The following GNG5 variants were observed in gnomAD, a reference collection of about 807,000 sequenced individuals.
GNG5 encodes guanine nucleotide-binding protein G(I)/G(S)/G(O) subunit gamma-5.
GNG5 carries 2 observed loss-of-function variants against 6.2 expected under a neutral mutation model. That is an observed-to-expected ratio of 0.32 (90% confidence interval 0.13 to 1.01). GNG5 has a LOEUF of 1.01. Among genes scored for constraint, GNG5 ranks in the 50% least tolerant of loss-of-function variants. The pLI is 0.48. For missense variants in GNG5, 57 were observed against 80.2 expected (o/e 0.71, Z 1.10); for synonymous variants, 24 against 33.0 (o/e 0.73, Z 0.93).
intron 2 of GNG5, 126 bp from the exon 3 acceptor site, chr1:84,502,096 A>G (rs1682068576): frequency 7.2e-6 from 4 of 557,248 alleles, no homozygotes; most frequent in Non-Finnish European, 9.6e-6. Context: ...AGAAGATACT[A>G]TATAATAATT....
In GNG5 at chr1:84,505,213, C is replaced by G. The variant is rs1423385038; in HGVS notation, c.81+798G>C. ...AACAGCACTTGAATGTCAAGTTATT[C>G]TATCAACACAGACAAAAGGCTTTTT... On this transcript the variant is annotated intron_variant, in intron 2 of 3. Transcript: ENST00000370645. Among the ~76,000 whole-genome samples, 4 of 152,218 alleles carry G rather than the reference C, an allele frequency of 2.6e-5. No individual in the cohort carries two copies. The East Asian group carries it at 5.8e-4, about 22-fold the overall frequency.
chr1:84,501,813 T>G lies in GNG5; in HGVS notation c.*19+13A>C. On this transcript the variant is annotated intron_variant, in intron 3 of 3. Transcript: ENST00000370645. ...ACAGTGTGGGTTTTTGTTTTAAATT[T>G]AAGGAAACTTACCTTTGAAAGATTC... The G allele has an allele frequency of 1.3e-6, 2 of 1,565,854 alleles. No homozygotes were observed. The highest frequency in any genetic ancestry group is 2.7e-5 in the African/African-American group (2 of 73,744).
At chr1:84,503,661 T>G (rs1192286688) in intron 2 of GNG5, 1 of 152,206 alleles carries the variant, frequency 6.6e-6, no homozygotes, top group Non-Finnish European at 1.5e-5. Context: ...AATTTTCTGT[T>G]TAAAGTGTAG....
intron 2 of GNG5, 105 bp downstream of exon 2, chr1:84,505,906 G>A (rs1160144366): frequency 3.8e-6 from 3 of 789,678 alleles, no homozygotes; most frequent in African/African-American, 1.9e-5. Flanking sequence ...CTCTCCAGGG[G>A]AAGCGAGGGC....
intron 3 of GNG5, among the ~76,000 whole-genome samples, chr1:84,501,466 A>G (rs1682055643): frequency 6.6e-6 from 1 of 151,874 alleles, no homozygotes; most frequent in South Asian, 2.1e-4. Flanking sequence ...AAAACTGTCT[A>G]AATATTTGCC....
chr1:84,499,657 G>A (rs551185882), intron 3 of GNG5, among the ~76,000 whole-genome samples: 5 of 152,162 alleles, frequency 3.3e-5, no homozygotes, highest in African/African-American at 1.2e-4. Flanking sequence ...AATGAAAAAC[G>A]GCGAATACTG....
chr1:84,505,963 C>G, intron 2 of GNG5, 48 bp downstream of exon 2: 3 of 1,359,674 alleles, frequency 2.2e-6, no homozygotes, highest in Non-Finnish European at 2.9e-6. Flanking sequence ...CCGGATCCCA[C>G]CCGCCGCCGC....
intron 2 of GNG5, 58 bp downstream of exon 2, chr1:84,505,953 C>A: frequency 7.9e-7 from 1 of 1,267,548 alleles, no homozygotes; most frequent in East Asian, 3.2e-5. Context: ...AGCTGGGCCG[C>A]CGGATCCCAC....
chr1:84,505,404 T>C (rs1436757464), intron 2 of GNG5, among the ~76,000 whole-genome samples: 2 of 152,202 alleles, frequency 1.3e-5, no homozygotes, highest in Non-Finnish European at 2.9e-5. Context: ...TGTTCGAGGT[T>C]GTACGGGGCA....
At chr1:84,501,202 T>C (rs867607520) in intron 3 of GNG5, among the ~76,000 whole-genome samples, 2 of 152,220 alleles carry the variant, frequency 1.3e-5, no homozygotes, top group African/African-American at 2.4e-5. Flanking sequence ...CAAGAACTTA[T>C]ATACTGCATT....
At position 84,506,144 on chromosome 1, in the gene GNG5, G is replaced by A. The variant is rs11559301; in HGVS notation, c.-53C>T. On this transcript the variant is annotated 5_prime_UTR_variant, in exon 2 of 4. Transcript: ENST00000370645. Reference sequence around the variant, plus strand: ...TGGGTCGGTGGGTCGTGGGCCGTGGGTCGGCGGGGCCAGACAACTCAGCGG... The same window carrying A: ...TGGGTCGGTGGGTCGTGGGCCGTGGATCGGCGGGGCCAGACAACTCAGCGG... 135 of 1,488,558 alleles carry A rather than the reference G, an allele frequency of 9.1e-5. No individual in the cohort carries two copies. The highest frequency in any genetic ancestry group is 1.8e-5 in the Non-Finnish European group (20 of 1,097,588). The allele number at this position is 1,488,558 out of a possible 1,614,324, so 92.2% of individuals were successfully genotyped here. A position where few individuals can be genotyped will look rare whatever the true frequency, so the allele number is the denominator to read the frequency against.
At chr1:84,505,516 AAG>A (rs1379892727) in intron 2 of GNG5, among the ~76,000 whole-genome samples, 1 of 129,008 alleles carries the variant, frequency 7.8e-6, no homozygotes, top group African/African-American at 3.0e-5. Context: ...TTCAACGGAC[AAG>A]AGAAGTTGAA....
At position 84,506,171 on chromosome 1, in the gene GNG5, G is replaced by T. The variant is rs927105867; in HGVS notation, c.-80C>A. ...CGGCGGGGCCAGACAACTCAGCGGC[G>T]CGCGGCGGGGGCGGGGCTCCGAACT... On this transcript the variant is annotated 5_prime_UTR_variant, in exon 2 of 4. Transcript: ENST00000370645. 1.7e-6 allele frequency: 2 copies of T among 1,161,574 alleles called. No homozygotes were observed. The highest frequency in any genetic ancestry group is 1.6e-5 in the African/African-American group (1 of 62,186). 72.0% of individuals were successfully genotyped at this position (1,161,574 alleles called of 1,614,324 possible).
Position 84,498,448 on chromosome 1 carries a change from T to C in GNG5, c.*120A>G, listed in dbSNP as rs556041823. ...TTAAGGACTGACGAAAGTAGAAGTT[T>C]GTATATTATGGCACATGTGTTACAG... On this transcript the variant is annotated 3_prime_UTR_variant, in exon 4 of 4. Transcript: ENST00000370645. The C allele has an allele frequency of 2.0e-4, 30 of 152,906 alleles. No individual in the cohort carries two copies. The highest frequency in any genetic ancestry group is 7.2e-4 in the African/African-American group (30 of 41,554). The allele number at this position is 152,906 out of a possible 1,614,324, so 9.5% of individuals were successfully genotyped here. A position where few individuals can be genotyped will look rare whatever the true frequency, so the allele number is the denominator to read the frequency against.
chr1:84,505,890 C>T, intron 2 of GNG5, 121 bp downstream of exon 2: 5 of 632,808 alleles, frequency 7.9e-6, no homozygotes, highest in Non-Finnish European at 1.2e-5. Context: ...CCGCTGAGCG[C>T]GCGTCCTCTC....
chr1:84,504,588 C>T (rs1401934813), intron 2 of GNG5, among the ~76,000 whole-genome samples: 2 of 152,146 alleles, frequency 1.3e-5, no homozygotes, highest in Admixed American at 1.3e-4. Context: ...GATAAAGGCA[C>T]ACCTGAATGA....
chr1:84,500,495 T>A (rs1463729622), intron 3 of GNG5, among the ~76,000 whole-genome samples: 1 of 152,062 alleles, frequency 6.6e-6, no homozygotes, highest in Non-Finnish European at 1.5e-5. Context: ...AATAAACCAC[T>A]GTAAAGTGAA....
At chr1:84,502,368 G>C (rs562467054) in intron 2 of GNG5, among the ~76,000 whole-genome samples, 1 of 152,082 alleles carries the variant, frequency 6.6e-6, no homozygotes, top group East Asian at 1.9e-4. Context: ...TCTTGACCTC[G>C]TGATCCGCCC....
At position 84,506,416 on chromosome 1, in the gene GNG5, G is replaced by C. The variant is rs2271620; in HGVS notation, c.-211+20C>G. On this transcript the variant is annotated intron_variant, in intron 1 of 3. Coordinates refer to ENST00000370645, the MANE Select transcript of GNG5 (RefSeq NM_005274.3). ...CCTCTCCAGAGGGGCCGATTAGGGA[G>C]AGGTAAGGAGAGAGCTTACCGTTAG... 3.5e-4 allele frequency: 71 copies of C among 201,826 alleles called. No individual in the cohort carries two copies. The East Asian group carries it at 8.7e-3, about 25-fold the overall frequency. 12.5% of individuals were successfully genotyped at this position (201,826 alleles called of 1,614,324 possible).
Sources: gnomAD v4.1 joint callset for allele counts (sites outside exome capture counted in the v4.1 genomes callset) on GRCh38, gnomAD v4.1.1 for gene constraint, MANE v1.5 for transcripts, NCBI Gene and HGNC (gene_info 2026-07-23, HGNC 2026-07-21) for gene names.